CNTN6: variants seen among roughly 807,000 people sequenced by gnomAD.
CNTN6 encodes the protein contactin 6.
A neutral mutation model predicts 122.8 loss-of-function variants in CNTN6; 137 were observed. That is an observed-to-expected ratio of 1.12 (90% CI 0.97 to 1.29). CNTN6 has a LOEUF of 1.29. CNTN6 is among the 50% of genes most tolerant of loss of function. CNTN6 has a pLI of 0.00. For missense variants in CNTN6, 1,634 were observed against 1,223.4 expected, an observed-to-expected ratio of 1.34 and a Z score of -5.01; for synonymous variants, 570 against 426.0, an observed-to-expected ratio of 1.34 and a Z score of -4.16.
chr3:1,268,571 C>T (rs937300478), intron 4 of CNTN6, among the ~76,000 whole-genome samples: 3 of 133,152 alleles, frequency 2.3e-5, no homozygotes, highest in Non-Finnish European at 3.1e-5. Flanking sequence ...TGAGCCACTG[C>T]ACTCCAGCCT....
chr3:1,398,423 T>C (rs1395892192), intron 20 of CNTN6, among the ~76,000 whole-genome samples: 1 of 152,118 alleles, frequency 6.6e-6, no homozygotes, highest in Non-Finnish European at 1.5e-5. Context: ...TATCTCCCTT[T>C]CTAAAAACAT....
chr3:1,194,840 T>G (rs1194386122), intron 2 of CNTN6, among the ~76,000 whole-genome samples: 1 of 152,118 alleles, frequency 6.6e-6, no homozygotes, highest in Non-Finnish European at 1.5e-5. Context: ...CCTGGCAGCA[T>G]GAGATGTTAT....
chr3:1,218,187 T>TG (rs1419389947), intron 2 of CNTN6, among the ~76,000 whole-genome samples: 2 of 151,554 alleles, frequency 1.3e-5, no homozygotes, highest in African/African-American at 4.9e-5. Flanking sequence ...ATACCTGTGG[T>TG]GGGGTGGCCT....
intron 6 of CNTN6, 68 bp downstream of exon 6, chr3:1,295,872 A>G: frequency 7.1e-7 from 1 of 1,404,572 alleles, no homozygotes; most frequent in Non-Finnish European, 9.9e-7. Context: ...AGATTCGTAA[A>G]GCTTTCTGCT....
At chr3:1,115,816 G>A (rs919661554) in intron 1 of CNTN6, among the ~76,000 whole-genome samples, 4 of 151,838 alleles carry the variant, frequency 2.6e-5, no homozygotes, top group Non-Finnish European at 4.4e-5. Flanking sequence ...ATTTGAGGAC[G>A]TTTCAGTTAT....
chr3:1,258,694 C>T (rs2094798212), intron 4 of CNTN6, among the ~76,000 whole-genome samples: 1 of 152,064 alleles, frequency 6.6e-6, no homozygotes, highest in Admixed American at 6.6e-5. Context: ...TTTTAATATT[C>T]TTGGGGTCCC....
At position 1,182,684 on chromosome 3, in the gene CNTN6, CAT is replaced by C. The variant is rs146386243; in HGVS notation, c.55+34624_55+34625del. On this transcript the variant is annotated intron_variant, in intron 2 of 22. Coordinates refer to ENST00000446702, the MANE Select transcript of CNTN6 (RefSeq NM_001289080.2). ...TAGTTATACCATGTATCACACATTT[CAT>C]ATGAGTAAAAGAACAGAAAATTGAT... 2.1e-3 allele frequency among the ~76,000 whole-genome samples: 323 copies of C among 151,778 alleles called. 1 individual carries two copies. Among genetic ancestry groups the C allele is most frequent in the African/African-American group, 7.4e-3 (306 of 41,404 alleles).
At chr3:1,293,830 C>G (rs1004664199) in intron 5 of CNTN6, among the ~76,000 whole-genome samples, 2 of 152,168 alleles carry the variant, frequency 1.3e-5, no homozygotes, top group African/African-American at 4.8e-5. Flanking sequence ...CATAGTTCTA[C>G]TCTACCTAGT....
chr3:1,146,757 A>G (rs1320014380), intron 1 of CNTN6, among the ~76,000 whole-genome samples: 1 of 152,120 alleles, frequency 6.6e-6, no homozygotes, highest in African/African-American at 2.4e-5. Flanking sequence ...CAAATAAATA[A>G]ATGCTTATGA....
chr3:1,383,439 G>A (rs772832377), intron 19 of CNTN6, 31 bp downstream of exon 19: 1 of 1,559,770 alleles, frequency 6.4e-7, no homozygotes, highest in Non-Finnish European at 8.8e-7. Flanking sequence ...TTTTGCTTAT[G>A]AATGTGCCAA....
At chr3:1,393,991 G>C (rs774270573) in intron 20 of CNTN6, among the ~76,000 whole-genome samples, 1 of 152,072 alleles carries the variant, frequency 6.6e-6, no homozygotes, top group African/African-American at 2.4e-5. Context: ...CTTCTTCCCT[G>C]CTATTCTTAA....
intron 1 of CNTN6, among the ~76,000 whole-genome samples, chr3:1,104,446 C>T (rs972362498): frequency 6.6e-6 from 1 of 151,962 alleles, no homozygotes; most frequent in African/African-American, 2.4e-5. Context: ...ATCACAGACC[C>T]AACTCTTTCC....
rs2093404045 is a variant in CNTN6, at chr3:1,173,900, A to G, written c.55+25837A>G. Among the ~76,000 whole-genome samples the G allele has an allele frequency of 1.3e-5, 2 of 152,134 alleles. 1 individual carries two copies. The highest frequency in any genetic ancestry group is 4.1e-4 in the South Asian group (2 of 4,830). On this transcript the variant is annotated intron_variant, in intron 2 of 22. Coordinates refer to ENST00000446702, the MANE Select transcript of CNTN6 (RefSeq NM_001289080.2). ...GAGACTTCTGTTTCTTTATTTGTAAACTGGTGGGGTTGGAATTATGAATTT... is the reference window on the plus strand; with the variant it reads ...GAGACTTCTGTTTCTTTATTTGTAAGCTGGTGGGGTTGGAATTATGAATTT...
intron 1 of CNTN6, among the ~76,000 whole-genome samples, chr3:1,143,938 A>C (rs888836930): frequency 3.3e-5 from 5 of 152,198 alleles, no homozygotes; most frequent in Non-Finnish European, 7.4e-5. Context: ...ACTGACAATC[A>C]ATGTGATTGT....
intron 4 of CNTN6, among the ~76,000 whole-genome samples, chr3:1,242,656 G>GT (rs1222998859): frequency 3.9e-5 from 6 of 152,188 alleles, no homozygotes; most frequent in African/African-American, 1.4e-4. Flanking sequence ...GTGGGTTAAG[G>GT]TGGGGGGATA....
chr3:1,165,996 G>A (rs915558805), intron 2 of CNTN6, among the ~76,000 whole-genome samples: 1 of 152,118 alleles, frequency 6.6e-6, no homozygotes, highest in Non-Finnish European at 1.5e-5. Flanking sequence ...CCCACAGAAA[G>A]TCTCCCTCTC....
intron 1 of CNTN6, among the ~76,000 whole-genome samples, chr3:1,142,307 T>G (rs1373997490): frequency 6.6e-6 from 1 of 152,106 alleles, no homozygotes; most frequent in Non-Finnish European, 1.5e-5. Flanking sequence ...ATAACCTCAC[T>G]GTCACAGCAA....
At chr3:1,296,790 A>C (rs9872206) in intron 6 of CNTN6, among the ~76,000 whole-genome samples, 3,782 of 152,184 alleles carry the variant, frequency 0.025, 166 homozygotes, top group African/African-American at 0.086. Context: ...AATGAATACT[A>C]CTATTTATGA....
At chr3:1,324,970 TCA>T in intron 8 of CNTN6, among the ~76,000 whole-genome samples, 1 of 151,508 alleles carries the variant, frequency 6.6e-6, no homozygotes, top group African/African-American at 2.4e-5. Flanking sequence ...AAGGGAAGCG[TCA>T]TATACTTCTG....
Sources: allele counts gnomAD v4.1 joint callset (sites outside exome capture counted in the v4.1 genomes callset), GRCh38; gene constraint gnomAD v4.1.1; transcripts MANE v1.5; gene names NCBI Gene and HGNC (gene_info 2026-07-23, HGNC 2026-07-21).